Variants in EPHB1 observed in about 807,000 individuals in gnomAD.
EPHB1 encodes ephrin type-B receptor 1.
A neutral mutation model predicts 94.4 loss-of-function variants in EPHB1; 30 were observed. The ratio of observed to expected loss-of-function variants is 0.32; its 90% CI spans 0.24 to 0.43. The LOEUF is 0.43. Among genes scored for constraint, EPHB1 ranks in the 20% least tolerant of loss-of-function variants. The pLI is 1.00. For synonymous variants in EPHB1, 522 were observed against 489.1 expected, an observed-to-expected ratio of 1.07 and a Z score of -0.89; for missense variants, 1,055 against 1,308.3, an observed-to-expected ratio of 0.81 and a Z score of 2.99.
At chr3:135,248,562 G>A (rs996514198) in intron 14 of EPHB1, 53 bp downstream of exon 14, 20 of 1,486,358 alleles carry the variant, frequency 1.3e-5, no homozygotes, top group Non-Finnish European at 1.7e-5. Flanking sequence ...ATGGTCAGGG[G>A]CATAGCCAGC....
intron 1 of EPHB1, among the ~76,000 whole-genome samples, chr3:134,837,426 A>T (rs1241107961): frequency 2.0e-5 from 3 of 152,244 alleles, no homozygotes; most frequent in African/African-American, 7.2e-5. Flanking sequence ...CTGGGTTCAC[A>T]TGGATGCAGA....
At chr3:134,828,935 T>C (rs1188798472) in intron 1 of EPHB1, among the ~76,000 whole-genome samples, 1 of 152,168 alleles carries the variant, frequency 6.6e-6, no homozygotes, top group African/African-American at 2.4e-5. Flanking sequence ...TCTGAGTGGC[T>C]GAGACATGAG....
At chr3:135,246,000 C>T (rs1490596818) in intron 13 of EPHB1, among the ~76,000 whole-genome samples, 3 of 152,162 alleles carry the variant, frequency 2.0e-5, no homozygotes, top group African/African-American at 7.2e-5. Flanking sequence ...GAGCTGCGCT[C>T]TCTCAGAAAG....
At chr3:135,050,214 CAT>C (rs1382519564) in intron 3 of EPHB1, among the ~76,000 whole-genome samples, 2 of 152,146 alleles carry the variant, frequency 1.3e-5, no homozygotes, top group African/African-American at 4.8e-5. Flanking sequence ...TTAGATTACA[CAT>C]GATTTTGCTT....
intron 3 of EPHB1, among the ~76,000 whole-genome samples, chr3:135,056,282 C>G (rs1181323880): frequency 6.6e-6 from 1 of 152,218 alleles, no homozygotes; most frequent in Non-Finnish European, 1.5e-5. Context: ...CCTGCTCACC[C>G]TCCGTGGCCT....
chr3:134,999,964 A>T (rs1339046454), intron 3 of EPHB1, among the ~76,000 whole-genome samples: 1 of 152,212 alleles, frequency 6.6e-6, no homozygotes, highest in Non-Finnish European at 1.5e-5. Context: ...TGTTAAGTAC[A>T]TAGGCTGCAG....
chr3:134,869,956 G>T (rs1004100570), intron 1 of EPHB1, among the ~76,000 whole-genome samples: 7 of 152,216 alleles, frequency 4.6e-5, no homozygotes, highest in Non-Finnish European at 7.3e-5. Flanking sequence ...AACTCATGGG[G>T]CACACATGCA....
At chr3:134,975,168 T>G (rs995479256) in intron 3 of EPHB1, among the ~76,000 whole-genome samples, 7 of 152,230 alleles carry the variant, frequency 4.6e-5, no homozygotes, top group Admixed American at 2.6e-4. Flanking sequence ...TCCAAAGCTG[T>G]TGACTTTGTT....
intron 12 of EPHB1, among the ~76,000 whole-genome samples, chr3:135,213,508 G>T (rs1414727135): frequency 6.6e-6 from 1 of 152,144 alleles, no homozygotes; most frequent in Non-Finnish European, 1.5e-5. Context: ...CATTATTACT[G>T]GTTCTGTCTA....
At chr3:134,975,486 A>G (rs1449611693) in intron 3 of EPHB1, among the ~76,000 whole-genome samples, 1 of 152,102 alleles carries the variant, frequency 6.6e-6, no homozygotes, top group African/African-American at 2.4e-5. Flanking sequence ...ACAGCTCCTG[A>G]CACTCTGCTA....
At chr3:135,068,441 G>A (rs1937612795) in intron 3 of EPHB1, among the ~76,000 whole-genome samples, 1 of 152,042 alleles carries the variant, frequency 6.6e-6, no homozygotes, top group Admixed American at 6.6e-5. Flanking sequence ...ATCTTTTCAT[G>A]TGTTTACTGG....
At chr3:135,002,639 T>C (rs1464344995) in intron 3 of EPHB1, among the ~76,000 whole-genome samples, 1 of 152,090 alleles carries the variant, frequency 6.6e-6, no homozygotes, top group African/African-American at 2.4e-5. Flanking sequence ...CTTCAGATCC[T>C]GTTATTGGTC....
intron 2 of EPHB1, among the ~76,000 whole-genome samples, chr3:134,936,457 C>T (rs557625829): frequency 6.6e-6 from 1 of 152,204 alleles, no homozygotes; most frequent in Non-Finnish European, 1.5e-5. Flanking sequence ...CCCCCTAGGT[C>T]CTGACAAGTG....
intron 3 of EPHB1, among the ~76,000 whole-genome samples, chr3:135,093,062 T>C (rs967697677): frequency 2.0e-5 from 3 of 152,228 alleles, no homozygotes; most frequent in Non-Finnish European, 2.9e-5. Flanking sequence ...GGACTTCTTC[T>C]TACCCAATAT....
intron 3 of EPHB1, among the ~76,000 whole-genome samples, chr3:135,025,172 T>TC (rs962423168): frequency 7.1e-6 from 1 of 141,076 alleles, no homozygotes; most frequent in Non-Finnish European, 1.5e-5. Flanking sequence ...TTTCTTTTTT[T>TC]TTTTTTTTTC....
intron 12 of EPHB1, among the ~76,000 whole-genome samples, chr3:135,226,590 G>A (rs913913568): frequency 6.6e-6 from 1 of 152,140 alleles, no homozygotes; most frequent in Admixed American, 6.5e-5. Context: ...CTCTTTCCCT[G>A]TGGCTCTGCA....
chr3:135,198,743 A>C (rs1377678048), intron 11 of EPHB1, among the ~76,000 whole-genome samples: 1 of 152,242 alleles, frequency 6.6e-6, no homozygotes, highest in Non-Finnish European at 1.5e-5. Context: ...CTACCGTCTT[A>C]GGATACACAA....
At chr3:134,889,942 CTT>C (rs1485006996) in intron 1 of EPHB1, among the ~76,000 whole-genome samples, 2 of 152,096 alleles carry the variant, frequency 1.3e-5, no homozygotes, top group African/African-American at 4.8e-5. Context: ...CCTCCCAAAA[CTT>C]ATTTATTTTA....
At chr3:134,871,600 G>T (rs962264543) in intron 1 of EPHB1, among the ~76,000 whole-genome samples, 1 of 152,002 alleles carries the variant, frequency 6.6e-6, no homozygotes, top group African/African-American at 2.4e-5. Context: ...TATTTATTGA[G>T]TGTATTGCAC....
Sources: gnomAD v4.1 joint callset for allele counts (sites outside exome capture counted in the v4.1 genomes callset) on GRCh38, gnomAD v4.1.1 for gene constraint, MANE v1.5 for transcripts, NCBI Gene and HGNC (gene_info 2026-07-23, HGNC 2026-07-21) for gene names.